HDX: variants seen among roughly 807,000 people sequenced by gnomAD.
HDX encodes chromosome X open reading frame 43.
In HDX, 19 loss-of-function variants were observed where a neutral mutation model predicts 45.2. The observed-to-expected ratio is 0.42, with a 90% CI of 0.29 to 0.62. The LOEUF (loss-of-function observed/expected upper bound fraction) is 0.62. Ranked by LOEUF, HDX falls within the 20% of genes least tolerant of loss-of-function variation. The pLI, the probability that HDX is intolerant of heterozygous loss-of-function variation, is 0.20. For missense variants in HDX, 532 were observed against 493.9 expected, an observed-to-expected ratio of 1.08 and a Z score of -0.73; for synonymous variants, 188 against 172.8, an observed-to-expected ratio of 1.09 and a Z score of -0.69.
At chrX:84,490,853 G>A (rs1373886349) in intron 1 of HDX, among the ~76,000 whole-genome samples, 3 of 110,476 alleles carry the variant, frequency 2.7e-5, no homozygotes, top group African/African-American at 9.9e-5. Flanking sequence ...AGCACATTAA[G>A]AATGTTGCCC....
chrX:84,459,596 G>C (rs1165636542), intron 4 of HDX, among the ~76,000 whole-genome samples: 1 of 110,346 alleles, frequency 9.1e-6, no homozygotes, highest in Non-Finnish European at 1.9e-5. Context: ...TCAAAAAGTA[G>C]AGAAAATTTA....
intron 9 of HDX, among the ~76,000 whole-genome samples, chrX:84,333,410 A>T (rs1409755853): frequency 9.0e-6 from 1 of 111,425 alleles, no homozygotes; most frequent in Admixed American, 9.6e-5. Flanking sequence ...AAATTAGCAA[A>T]GTCCACTGGA....
intron 5 of HDX, among the ~76,000 whole-genome samples, chrX:84,395,505 C>G (rs751883661): frequency 1.8e-5 from 2 of 110,900 alleles, no homozygotes; most frequent in Non-Finnish European, 3.8e-5. Flanking sequence ...TTAGAATTCT[C>G]TCTCTTTCTT....
chrX:84,476,451 A>T (rs1180801972), intron 2 of HDX, among the ~76,000 whole-genome samples: 1 of 104,787 alleles, frequency 9.5e-6, no homozygotes, highest in Admixed American at 1.0e-4. Context: ...AGGCTGAGGT[A>T]GGAGGATTGC....
chrX:84,417,361 C>G (rs1374710573), intron 5 of HDX, among the ~76,000 whole-genome samples: 3 of 111,639 alleles, frequency 2.7e-5, no homozygotes, highest in Non-Finnish European at 5.7e-5. Flanking sequence ...TGTGGTATCC[C>G]TAGATGAACA....
At chrX:84,492,900 A>G (rs1457538917) in intron 1 of HDX, among the ~76,000 whole-genome samples, 4 of 108,180 alleles carry the variant, frequency 3.7e-5, no homozygotes, top group Non-Finnish European at 7.6e-5. Context: ...CAAATTTAAT[A>G]TTACAAAAAG....
chrX:84,380,954 T>C (rs6623012), intron 5 of HDX, among the ~76,000 whole-genome samples: 9,898 of 110,896 alleles, frequency 0.089, 440 homozygotes, highest in East Asian at 0.35. Flanking sequence ...GATATGATCT[T>C]ATATTTGGAA....
chrX:84,358,979 T>G (rs183941672), intron 6 of HDX, among the ~76,000 whole-genome samples: 1 of 111,309 alleles, frequency 9.0e-6, no homozygotes, highest in Admixed American at 9.6e-5. Flanking sequence ...TCTTCCCAAC[T>G]CTGTGTTGAG....
chrX:84,420,228 C>G, intron 5 of HDX, among the ~76,000 whole-genome samples: 1 of 111,908 alleles, frequency 8.9e-6, no homozygotes, highest in Non-Finnish European at 1.9e-5. Context: ...CTCGTGTTAA[C>G]TAAATTCAAG....
At chrX:84,344,781 T>C (rs997775840) in intron 6 of HDX, among the ~76,000 whole-genome samples, 30 of 111,118 alleles carry the variant, frequency 2.7e-4, no homozygotes, top group African/African-American at 8.8e-4. Context: ...AAAATGTTAA[T>C]AGTTATGGCT....
At chrX:84,432,626 G>T (rs1211580334) in intron 5 of HDX, among the ~76,000 whole-genome samples, 1 of 110,781 alleles carries the variant, frequency 9.0e-6, no homozygotes, top group Non-Finnish European at 1.9e-5. Flanking sequence ...CTCTCAGCTT[G>T]GATGTTGTTT....
chrX:84,361,349 G>T, intron 6 of HDX, 117 bp downstream of exon 6: 1 of 555,264 alleles, frequency 1.8e-6, no homozygotes, highest in Non-Finnish European at 2.9e-6. Context: ...CTCCTATCCT[G>T]TGGGTTATCT....
intron 5 of HDX, among the ~76,000 whole-genome samples, chrX:84,402,589 G>A (rs1182411765): frequency 2.7e-5 from 3 of 111,279 alleles, no homozygotes; most frequent in East Asian, 5.6e-4. Flanking sequence ...GAAAGACATC[G>A]TGGTTGTTTC....
chrX:84,500,469 C>CACA (rs368488267), intron 1 of HDX, among the ~76,000 whole-genome samples: 79 of 104,830 alleles, frequency 7.5e-4, no homozygotes, highest in East Asian at 1.8e-3. Context: ...CACACACACA[C>CACA]ACAACAACAA....
chrX:84,442,840 C>T (rs1165508449), intron 4 of HDX, among the ~76,000 whole-genome samples: 3 of 110,826 alleles, frequency 2.7e-5, no homozygotes, highest in Non-Finnish European at 5.7e-5. Context: ...AAATGAATTA[C>T]AAACAAAACA....
intron 6 of HDX, among the ~76,000 whole-genome samples, chrX:84,354,790 G>A (rs549786384): frequency 2.6e-4 from 28 of 106,581 alleles, no homozygotes; most frequent in South Asian, 2.1e-3. Context: ...ATTCTGTTTC[G>A]GTAGGTCTAG....
intron 5 of HDX, among the ~76,000 whole-genome samples, chrX:84,417,233 A>AAAGAAAGAAAG (rs1480060862): frequency 9.0e-6 from 1 of 110,578 alleles, no homozygotes; most frequent in African/African-American, 3.3e-5. Flanking sequence ...AGAAAGAAAG[A>AAAGAAAGAAAG]AAGAAAGAAA....
At chrX:84,423,983 C>T (rs946153348) in intron 5 of HDX, among the ~76,000 whole-genome samples, 1 of 110,455 alleles carries the variant, frequency 9.1e-6, no homozygotes, top group African/African-American at 3.3e-5. Flanking sequence ...AATCAGACAA[C>T]AGAAAGATAT....
chrX:84,461,383 C>G (rs777660097), intron 4 of HDX, among the ~76,000 whole-genome samples: 3 of 111,086 alleles, frequency 2.7e-5, no homozygotes, highest in Admixed American at 1.9e-4. Flanking sequence ...CTACAGTGAA[C>G]TCATGCTTGA....
Sources: gnomAD v4.1 joint callset for allele counts (sites outside exome capture counted in the v4.1 genomes callset) on GRCh38, gnomAD v4.1.1 for gene constraint, MANE v1.5 for transcripts, NCBI Gene and HGNC (gene_info 2026-07-23, HGNC 2026-07-21) for gene names.